FMN2: variants seen among roughly 807,000 people sequenced by gnomAD.
FMN2 encodes the protein formin-2.
A neutral mutation model predicts 142.3 loss-of-function variants in FMN2; 51 were observed. The ratio of observed to expected loss-of-function variants is 0.36; its 90% CI spans 0.29 to 0.45. The LOEUF (loss-of-function observed/expected upper bound fraction) is 0.45. Among genes scored for constraint, FMN2 ranks in the 20% least tolerant of loss-of-function variants. The pLI, the probability that FMN2 is intolerant of heterozygous loss-of-function variation, is 1.00. For synonymous variants in FMN2, 882 were observed against 869.8 expected (o/e 1.01, Z -0.25); for missense variants, 1,936 against 2,122.8 (o/e 0.91, Z 1.73).
At chr1:240,268,738 C>T (rs1434453101) in intron 7 of FMN2, among the ~76,000 whole-genome samples, 3 of 151,836 alleles carry the variant, frequency 2.0e-5, no homozygotes, top group Non-Finnish European at 2.9e-5. Context: ...TGCTGATGGC[C>T]ATTCTAACAG....
intron 14 of FMN2, among the ~76,000 whole-genome samples, chr1:240,383,640 G>A (rs1673302565): frequency 6.6e-6 from 1 of 152,112 alleles, no homozygotes; most frequent in South Asian, 2.1e-4. Context: ...TATACTGTTG[G>A]TAGGTATATT....
chr1:240,193,753 G>A (rs731186), intron 4 of FMN2, among the ~76,000 whole-genome samples: 57,742 of 152,152 alleles, frequency 0.38, 11,294 homozygotes, highest in South Asian at 0.42. Flanking sequence ...GATTACTGCA[G>A]TATTCTCCCG....
At chr1:240,329,659 G>T (rs1671313737) in intron 10 of FMN2, among the ~76,000 whole-genome samples, 191 bp downstream of exon 10, 1 of 152,142 alleles carries the variant, frequency 6.6e-6, no homozygotes, top group Non-Finnish European at 1.5e-5. Context: ...GGCGCCCAGG[G>T]CTACAGGACC....
At chr1:240,237,211 A>T (rs1411916028) in intron 6 of FMN2, among the ~76,000 whole-genome samples, 1 of 152,196 alleles carries the variant, frequency 6.6e-6, no homozygotes, top group East Asian at 1.9e-4. Context: ...AGTTTGTTTG[A>T]TTGCTGACTG....
At chr1:240,116,508 G>T (rs1049489963) in intron 1 of FMN2, among the ~76,000 whole-genome samples, 14 of 151,950 alleles carry the variant, frequency 9.2e-5, no homozygotes, top group Admixed American at 5.3e-4. Context: ...TAGGGGAAGG[G>T]AATATCATGA....
In FMN2 at chr1:240,170,683, C is replaced by G. The variant is rs1261673184; in HGVS notation, c.1783-7238C>G. 4 of 1,571,978 alleles carry G rather than the reference C, an allele frequency of 2.5e-6. No individual in the cohort carries two copies. In the African/African-American group the frequency reaches 5.4e-5, roughly 21 times the overall value. ...AGCACCTTTGGATAAAGTCTGCCTT[C>G]TAGGTTGTGGCATTTCAGCTGGTTA... On this transcript the variant is annotated intron_variant, in intron 2 of 17. Transcript: ENST00000319653.
At chr1:240,142,783 G>A in intron 2 of FMN2, 1 of 1,590,718 alleles carries the variant, frequency 6.3e-7, no homozygotes, top group Non-Finnish European at 8.6e-7. Flanking sequence ...AACGACACTG[G>A]GGTTGTATGT....
chr1:240,407,108 G>C (rs755243283), intron 15 of FMN2, among the ~76,000 whole-genome samples: 8 of 151,796 alleles, frequency 5.3e-5, no homozygotes, highest in Non-Finnish European at 7.4e-5. Flanking sequence ...TGTAGGTATG[G>C]GTTTGGAATT....
chr1:240,222,358 T>A (rs1037725268), intron 6 of FMN2, among the ~76,000 whole-genome samples: 10 of 152,160 alleles, frequency 6.6e-5, no homozygotes, highest in Admixed American at 5.9e-4. Context: ...TATATCTGTT[T>A]TGGTACCAGT....
At chr1:240,380,932 A>C (rs1434189581) in intron 14 of FMN2, among the ~76,000 whole-genome samples, 2 of 152,166 alleles carry the variant, frequency 1.3e-5, no homozygotes. Flanking sequence ...AAATACAAAA[A>C]TCATCAGAGA....
intron 2 of FMN2, among the ~76,000 whole-genome samples, chr1:240,128,925 G>A (rs1662623629): frequency 6.6e-6 from 1 of 152,078 alleles, no homozygotes; most frequent in Admixed American, 6.6e-5. Flanking sequence ...CCAGGATGGA[G>A]TGCAGTGGCG....
chr1:240,406,417 C>A (rs1674201864), intron 15 of FMN2, among the ~76,000 whole-genome samples: 1 of 151,880 alleles, frequency 6.6e-6, no homozygotes, highest in Non-Finnish European at 1.5e-5. Context: ...CACAGAATCT[C>A]CCCCATGGCG....
intron 1 of FMN2, among the ~76,000 whole-genome samples, chr1:240,114,322 T>C (rs1176734712): frequency 6.6e-6 from 1 of 152,234 alleles, no homozygotes; most frequent in Non-Finnish European, 1.5e-5. Context: ...TCTGATACTC[T>C]AGAATGGATG....
chr1:240,333,396 G>A (rs985031837), intron 11 of FMN2, among the ~76,000 whole-genome samples: 1 of 152,022 alleles, frequency 6.6e-6, no homozygotes, highest in Non-Finnish European at 1.5e-5. Flanking sequence ...ATGGTTAAAA[G>A]CTCCGCTTTA....
intron 7 of FMN2, among the ~76,000 whole-genome samples, chr1:240,267,658 A>AGG (rs1668866258): frequency 6.6e-6 from 1 of 151,920 alleles, no homozygotes; most frequent in Non-Finnish European, 1.5e-5. Flanking sequence ...AGAGACCTGC[A>AGG]ACTTTAATTA....
chr1:240,424,490 G>A (rs1674870460), intron 15 of FMN2, among the ~76,000 whole-genome samples: 1 of 152,162 alleles, frequency 6.6e-6, no homozygotes, highest in African/African-American at 2.4e-5. Context: ...ATTATGTGGG[G>A]ATATGGGAAT....
intron 13 of FMN2, among the ~76,000 whole-genome samples, chr1:240,355,302 AT>A (rs1672226573): frequency 6.6e-6 from 1 of 152,184 alleles, no homozygotes; most frequent in Non-Finnish European, 1.5e-5. Flanking sequence ...CTATACTAAC[AT>A]TACCACCCAT....
At chr1:240,436,458 T>TA (rs1258143148) in intron 15 of FMN2, among the ~76,000 whole-genome samples, 2 of 152,168 alleles carry the variant, frequency 1.3e-5, no homozygotes, top group African/African-American at 4.8e-5. Context: ...TGTTTGTTTT[T>TA]ACGTGTGAAT....
chr1:240,203,716 C>T (rs879610529), intron 4 of FMN2, among the ~76,000 whole-genome samples: 1 of 152,076 alleles, frequency 6.6e-6, no homozygotes. Context: ...GGGCATAATA[C>T]CTAGGTGATG....
Sources: gnomAD v4.1 joint callset for allele counts (sites outside exome capture counted in the v4.1 genomes callset) on GRCh38, gnomAD v4.1.1 for gene constraint, MANE v1.5 for transcripts, NCBI Gene and HGNC (gene_info 2026-07-23, HGNC 2026-07-21) for gene names.